FRG1: variants seen among roughly 807,000 people sequenced by gnomAD.
FRG1 encodes FSHD region gene 1.
A neutral mutation model predicts 37.0 loss-of-function variants in FRG1; 19 were observed. The observed-to-expected ratio is 0.51, with a 90% confidence interval of 0.36 to 0.75. FRG1 has a LOEUF of 0.75. FRG1 is among the 30% of genes least tolerant of loss of function. The pLI, the probability that FRG1 is intolerant of heterozygous loss-of-function variation, is 0.00. For missense variants in FRG1, 243 were observed against 301.4 expected (o/e 0.81, Z 1.44); for synonymous variants, 73 against 96.5 (o/e 0.76, Z 1.43).
chr4:189,953,034 T>A, intron 3 of FRG1, 34 bp from the exon 4 acceptor site: 1 of 1,534,414 alleles, frequency 6.5e-7, no homozygotes, highest in Non-Finnish European at 8.7e-7. Flanking sequence ...ATAGCAAATG[T>A]CAAATTTATT....
chr4:189,945,468 A>C (rs1736488134), intron 2 of FRG1, among the ~76,000 whole-genome samples: 1 of 152,196 alleles, frequency 6.6e-6, no homozygotes, highest in Non-Finnish European at 1.5e-5. Flanking sequence ...AACGATGTTT[A>C]ATGCTGTCAG....
Position 189,941,046 on chromosome 4 carries a change from G to C in FRG1, c.37G>C (p.Val13Leu). Reference protein sequence around the residue: ...EYSYVKSTKLVLKGTKTKSKK... With the variant: ...EYSYVKSTKLLLKGTKTKSKK... ...CTCCTACGTGAAGTCTACCAAGCTC[G>C]TGCTCAAGGGAACCAAGACGAAGAG... Residue 13 changes from valine (V) to leucine (L), a missense_variant, in exon 1 of 9, where the codon GTG becomes CTG. This residue lies in a region of FRG1 where 110 missense variants were observed against 102.2 expected (regional missense o/e 1.08). Transcript: ENST00000226798. The C allele has an allele frequency of 6.2e-7, 1 of 1,614,134 alleles. No individual in the cohort carries two copies. Among genetic ancestry groups the C allele is most frequent in the Non-Finnish European group, 8.5e-7 (1 of 1,179,982 alleles).
chr4:189,954,595 CTTTTTTT>C (rs1160474689), intron 4 of FRG1, among the ~76,000 whole-genome samples: 1 of 74,522 alleles, frequency 1.3e-5, no homozygotes, highest in Non-Finnish European at 3.2e-5. Context: ...TAGCTTTTTT[CTTTTTTT>C]TTTTTTTAAA....
At chr4:189,942,443 C>T (rs553317140) in intron 1 of FRG1, among the ~76,000 whole-genome samples, 150 of 152,302 alleles carry the variant, frequency 9.8e-4, no homozygotes, top group African/African-American at 3.2e-3. Context: ...ATCGCCTATT[C>T]TGAATATTTC....
At chr4:189,958,871 G>T (rs1465251538) in intron 6 of FRG1, among the ~76,000 whole-genome samples, 1 of 152,164 alleles carries the variant, frequency 6.6e-6, no homozygotes, top group African/African-American at 2.4e-5. Context: ...TTGACACATG[G>T]CTTTTCTGTG....
intron 4 of FRG1, among the ~76,000 whole-genome samples, chr4:189,954,554 A>C (rs1736896766): frequency 6.6e-6 from 1 of 151,698 alleles, no homozygotes; most frequent in Non-Finnish European, 1.5e-5. Flanking sequence ...TTAAAACTGC[A>C]CTGTCCAACA....
Position 189,952,159 on chromosome 4 carries a change from T to C in FRG1, c.134-3T>C. 1 of 1,547,630 alleles carries C rather than the reference T, an allele frequency of 6.5e-7. No homozygotes were observed. The highest frequency in any genetic ancestry group is 8.7e-7 in the Non-Finnish European group (1 of 1,145,330). ...AAGTTGAAATATTGATTTTATTTTT[T>C]AGGAATCTGGTGGACAGTAACAAAC... On this transcript the variant is annotated splice_polypyrimidine_tract_variant and splice_region_variant and intron_variant, in intron 2 of 8. Coordinates refer to ENST00000226798, the MANE Select transcript of FRG1 (RefSeq NM_004477.3).
intron 8 of FRG1, among the ~76,000 whole-genome samples, chr4:189,962,821 T>G (rs1220165097): frequency 6.6e-6 from 1 of 152,202 alleles, no homozygotes; most frequent in Non-Finnish European, 1.5e-5. Context: ...AATGGAAATT[T>G]AGAGCAGCCT....
At chr4:189,945,590 C>A (rs965492585) in intron 2 of FRG1, among the ~76,000 whole-genome samples, 1 of 152,290 alleles carries the variant, frequency 6.6e-6, no homozygotes, top group East Asian at 1.9e-4. Context: ...CTGAGATAAA[C>A]CCCACTTGGT....
At chr4:189,950,474 T>C (rs1370383023) in intron 2 of FRG1, among the ~76,000 whole-genome samples, 2 of 152,194 alleles carry the variant, frequency 1.3e-5, no homozygotes, top group Non-Finnish European at 2.9e-5. Context: ...TCCCATTTTC[T>C]TCTAAAAGTT....
Position 189,945,773 on chromosome 4 carries a change from A to C in FRG1, c.133+2501A>C, listed in dbSNP as rs116574307. Among the ~76,000 whole-genome samples the C allele has an allele frequency of 9.1e-3, 1,381 of 152,224 alleles. 29 individuals carry two copies. The highest frequency in any genetic ancestry group is 0.031 in the African/African-American group (1,307 of 41,522). The stretch of plus-strand genomic sequence containing the variant: ...GTCAAGGTGATACTGGGTGTCACAA[A>C]ATTAGATGGAAAGTGCTGTCTCCTT... On this transcript the variant is annotated intron_variant, in intron 2 of 8. Transcript: ENST00000226798.
intron 2 of FRG1, among the ~76,000 whole-genome samples, chr4:189,950,899 C>G (rs1451288263): frequency 6.6e-6 from 1 of 152,104 alleles, no homozygotes; most frequent in Non-Finnish European, 1.5e-5. Context: ...GTATGTCTTT[C>G]TGTCATCACC....
intron 2 of FRG1, among the ~76,000 whole-genome samples, chr4:189,947,855 A>G (rs111494427): frequency 6.6e-6 from 1 of 152,186 alleles, no homozygotes; most frequent in African/African-American, 2.4e-5. Flanking sequence ...ACATTGCCTC[A>G]TTTCTGGAGG....
chr4:189,942,286 GTA>G (rs893757310), intron 1 of FRG1, among the ~76,000 whole-genome samples: 8 of 151,986 alleles, frequency 5.3e-5, no homozygotes, highest in Admixed American at 2.6e-4. Flanking sequence ...GGGGTTTTTA[GTA>G]TATATTCAAG....
Position 189,940,975 on chromosome 4 carries a change from G to T in FRG1, c.-35G>T, listed in dbSNP as rs1281538207. ...CGACTCACATACTCGTCCAGAACCG[G>T]CCTCAGCCTCTCCGCGCAGAAGTTT... On this transcript the variant is annotated 5_prime_UTR_variant, in exon 1 of 9. Coordinates refer to ENST00000226798, the MANE Select transcript of FRG1 (RefSeq NM_004477.3). 2 of 1,586,526 alleles carry T rather than the reference G, an allele frequency of 1.3e-6. No individual in the cohort carries two copies. The highest frequency in any genetic ancestry group is 1.7e-6 in the Non-Finnish European group (2 of 1,156,694).
At chr4:189,954,212 A>G (rs1378949467) in intron 4 of FRG1, among the ~76,000 whole-genome samples, 1 of 152,176 alleles carries the variant, frequency 6.6e-6, no homozygotes, top group Non-Finnish European at 1.5e-5. Context: ...ATGTTTAAAA[A>G]AAAATGCGTG....
At chr4:189,948,268 TTCTG>T (rs1157476445) in intron 2 of FRG1, among the ~76,000 whole-genome samples, 8 of 152,258 alleles carry the variant, frequency 5.3e-5, no homozygotes, top group Admixed American at 1.3e-4. Context: ...ATGAAAGAAA[TTCTG>T]TCTTTCACAT....
intron 1 of FRG1, chr4:189,941,739 C>A (rs1736312635): frequency 3.5e-6 from 1 of 288,194 alleles, no homozygotes; most frequent in Non-Finnish European, 7.0e-6. Flanking sequence ...ATAAATTGAG[C>A]CAAATGTGAG....
intron 1 of FRG1, 134 bp from the exon 2 acceptor site, chr4:189,943,068 C>A: frequency 1.1e-6 from 1 of 920,496 alleles, no homozygotes; most frequent in African/African-American, 1.7e-5. Flanking sequence ...TTTAAGAGGG[C>A]ATATCAATGT....
Sources: gnomAD v4.1 joint callset for allele counts (sites outside exome capture counted in the v4.1 genomes callset) on GRCh38, gnomAD v4.1.1 for gene constraint, gnomAD v4.1.1 regional missense constraint, MANE v1.5 for transcripts, NCBI Gene and HGNC (gene_info 2026-07-23, HGNC 2026-07-21) for gene names.